The following LRRC7 variants were observed in gnomAD, a reference collection of about 807,000 sequenced individuals.
LRRC7 encodes the protein leucine-rich repeat-containing protein 7.
In LRRC7, 23 loss-of-function variants were observed where a neutral mutation model predicts 175.7. The observed-to-expected ratio is 0.13, with a 90% CI of 0.09 to 0.19. The LOEUF (loss-of-function observed/expected upper bound fraction) is 0.19, where lower values mean the gene tolerates loss of function less well. Ranked by LOEUF, LRRC7 falls within the 10% of genes least tolerant of loss-of-function variation. The pLI, the probability that LRRC7 is intolerant of heterozygous loss-of-function variation, is 1.00. For missense variants in LRRC7, 1,354 were observed against 1,904.7 expected (o/e 0.71, Z 5.38); for synonymous variants, 685 against 680.9 (o/e 1.01, Z -0.09).
intron 3 of LRRC7, among the ~76,000 whole-genome samples, chr1:69,787,077 T>C (rs1432044753): frequency 6.6e-6 from 1 of 152,164 alleles, no homozygotes; most frequent in Non-Finnish European, 1.5e-5. Context: ...ATAGAAGAAA[T>C]TGGCCAAAAC....
chr1:69,590,327 T>A (rs950658674), intron 1 of LRRC7, among the ~76,000 whole-genome samples: 3 of 152,194 alleles, frequency 2.0e-5, no homozygotes, highest in African/African-American at 7.2e-5. Context: ...CATCAAGTTA[T>A]TCAGTATTAA....
At chr1:70,000,983 C>G (rs1655465137) in intron 11 of LRRC7, among the ~76,000 whole-genome samples, 1 of 152,180 alleles carries the variant, frequency 6.6e-6, no homozygotes, top group African/African-American at 2.4e-5. Flanking sequence ...TTTCCTGTCC[C>G]TGTTCCGACT....
chr1:69,789,814 CA>C (rs1443806386), intron 3 of LRRC7, among the ~76,000 whole-genome samples: 2 of 152,018 alleles, frequency 1.3e-5, no homozygotes, highest in African/African-American at 2.4e-5. Flanking sequence ...CTGCCTCCGT[CA>C]TCTAGAAAAG....
intron 8 of LRRC7, among the ~76,000 whole-genome samples, chr1:69,949,663 A>G (rs1469959834): frequency 6.6e-6 from 1 of 152,080 alleles, no homozygotes; most frequent in African/African-American, 2.4e-5. Flanking sequence ...GTTGTTTCCA[A>G]TATTTTGGTA....
intron 3 of LRRC7, among the ~76,000 whole-genome samples, chr1:69,773,986 C>G (rs1273238433): frequency 1.3e-5 from 2 of 152,084 alleles, no homozygotes; most frequent in Admixed American, 6.6e-5. Context: ...ACCTCTACAG[C>G]CTGAGAGACA....
At chr1:69,856,614 A>T (rs1163448779) in intron 7 of LRRC7, among the ~76,000 whole-genome samples, 1 of 152,196 alleles carries the variant, frequency 6.6e-6, no homozygotes, top group African/African-American at 2.4e-5. Context: ...AATTGAGGCA[A>T]TAATTAATAG....
In LRRC7 at chr1:70,144,092, C is replaced by G. The variant is rs762308760; in HGVS notation, c.*22205C>G. On this transcript the variant is annotated 3_prime_UTR_variant, in exon 27 of 27. Coordinates refer to ENST00000651989, the MANE Select transcript of LRRC7 (RefSeq NM_001370785.2). ...TTTACTGAACCAGTGAAATTAATTA[C>G]TGTCAGTTAATTTGCAAATGCAAGC... 4 of 150,756 alleles carry G rather than the reference C, an allele frequency of 2.7e-5. No homozygotes were observed. The highest frequency in any genetic ancestry group is 4.5e-5 in the Non-Finnish European group (3 of 66,964). The allele number at this position is 150,756 out of a possible 1,614,324, so 9.3% of individuals were successfully genotyped here.
chr1:69,843,413 GT>G (rs1186871444), intron 7 of LRRC7, among the ~76,000 whole-genome samples: 1 of 151,944 alleles, frequency 6.6e-6, no homozygotes, highest in Non-Finnish European at 1.5e-5. Flanking sequence ...CATCTGTGAA[GT>G]TTTTTAATTT....
Position 69,704,108 on chromosome 1 carries a change from G to T in LRRC7, c.100+25630G>T, listed in dbSNP as rs536929911. Among the ~76,000 whole-genome samples the T allele has an allele frequency of 3.3e-5, 5 of 151,886 alleles. No homozygotes were observed. The South Asian group carries it at 1.0e-3, about 32-fold the overall frequency. Reference sequence around the variant, plus strand: ...TCCAGGAACCACAAATATACACTCGGTGCTAAGTCACAATAGTTATATAAG... The same window carrying T: ...TCCAGGAACCACAAATATACACTCGTTGCTAAGTCACAATAGTTATATAAG... On this transcript the variant is annotated intron_variant, in intron 2 of 26. Coordinates refer to ENST00000651989, the MANE Select transcript of LRRC7 (RefSeq NM_001370785.2).
At chr1:70,080,729 T>C (rs943784337) in intron 24 of LRRC7, among the ~76,000 whole-genome samples, 3 of 152,204 alleles carry the variant, frequency 2.0e-5, no homozygotes, top group Non-Finnish European at 2.9e-5. Flanking sequence ...CTGAAGTTCA[T>C]TATCAGGGGA....
At position 70,124,772 on chromosome 1, in the gene LRRC7, A is replaced by T. The variant is rs1666372959; in HGVS notation, c.*2885A>T. 6.6e-6 allele frequency among the ~76,000 whole-genome samples: 1 copy of T among 152,008 alleles called. No homozygotes were observed. The highest frequency in any genetic ancestry group is 6.6e-5 in the Admixed American group (1 of 15,262). On this transcript the variant is annotated 3_prime_UTR_variant, in exon 27 of 27. Transcript: ENST00000651989. ...GTGCCTTTTAAAAAAAAAAAAGAAA[A>T]ATCAATAACAACAAAAAGAACTGGA...
chr1:70,095,040 T>C (rs937032094), intron 25 of LRRC7, among the ~76,000 whole-genome samples: 1 of 152,196 alleles, frequency 6.6e-6, no homozygotes, highest in Non-Finnish European at 1.5e-5. Flanking sequence ...GTGCAGCTAC[T>C]AGACAAATAC....
At chr1:69,993,428 C>A (rs1242200669) in intron 10 of LRRC7, among the ~76,000 whole-genome samples, 15 of 152,106 alleles carry the variant, frequency 9.9e-5, no homozygotes, top group Admixed American at 9.8e-4. Flanking sequence ...TTACTCTATG[C>A]CTGTTAGGAA....
intron 7 of LRRC7, among the ~76,000 whole-genome samples, chr1:69,903,753 C>T (rs1055739524): frequency 5.3e-5 from 8 of 152,076 alleles, no homozygotes; most frequent in African/African-American, 1.4e-4. Flanking sequence ...AAATAGATCA[C>T]TAGCCAGACT....
chr1:69,673,837 G>A (rs1168244485), intron 1 of LRRC7, among the ~76,000 whole-genome samples: 2 of 151,924 alleles, frequency 1.3e-5, no homozygotes, highest in East Asian at 3.9e-4. Flanking sequence ...ATAGTGAATT[G>A]TTTTGGCCCC....
intron 1 of LRRC7, among the ~76,000 whole-genome samples, chr1:69,615,462 A>T (rs1226461306): frequency 6.6e-6 from 1 of 152,002 alleles, no homozygotes. Flanking sequence ...TTGAGGGAAA[A>T]AAAGCATAAT....
chr1:69,856,598 C>T (rs1453316669), intron 7 of LRRC7, among the ~76,000 whole-genome samples: 7 of 152,078 alleles, frequency 4.6e-5, no homozygotes, highest in Admixed American at 1.3e-4. Context: ...CAATAACAGG[C>T]TGTGAAATTG....
chr1:69,850,301 T>G (rs1220514241), intron 7 of LRRC7, among the ~76,000 whole-genome samples: 1 of 152,010 alleles, frequency 6.6e-6, no homozygotes, highest in Non-Finnish European at 1.5e-5. Flanking sequence ...ACATGCCCAG[T>G]GCAAGGTGAA....
At chr1:69,748,287 G>T (rs1383380188) in intron 2 of LRRC7, among the ~76,000 whole-genome samples, 1 of 152,114 alleles carries the variant, frequency 6.6e-6, no homozygotes, top group Non-Finnish European at 1.5e-5. Context: ...ATTTTAAAAT[G>T]CTTTCTCTAC....
Sources: allele counts gnomAD v4.1 joint callset (sites outside exome capture counted in the v4.1 genomes callset), GRCh38; gene constraint gnomAD v4.1.1; transcripts MANE v1.5; gene names NCBI Gene and HGNC (gene_info 2026-07-23, HGNC 2026-07-21).